Variants in PRELID3A observed in about 807,000 individuals in gnomAD.
PRELID3A encodes the protein PRELI domain containing protein 3A.
In PRELID3A, 27 loss-of-function variants were observed where a neutral mutation model predicts 23.0. The ratio of observed to expected loss-of-function variants is 1.17; its 90% confidence interval spans 0.87 to 1.62. PRELID3A has a LOEUF of 1.62. PRELID3A is among the 40% of genes most tolerant of loss of function. PRELID3A has a pLI of 0.00. For synonymous variants in PRELID3A, 87 were observed against 86.4 expected (o/e 1.01, Z -0.04); for missense variants, 231 against 231.4 (o/e 1.00, Z 0.01).
intron 1 of PRELID3A, among the ~76,000 whole-genome samples, chr18:12,411,762 C>G (rs1453349996): frequency 2.0e-5 from 3 of 152,160 alleles, no homozygotes; most frequent in Non-Finnish European, 4.4e-5. Flanking sequence ...CCTGCTCTTC[C>G]CCTCCCCACT....
intron 1 of PRELID3A, among the ~76,000 whole-genome samples, chr18:12,414,491 C>T (rs1432157391): frequency 5.9e-5 from 9 of 152,098 alleles, no homozygotes; most frequent in African/African-American, 1.9e-4. Context: ...TTTGGGAGGC[C>T]GAGGTGGGTG....
At chr18:12,429,646 G>A in intron 6 of PRELID3A, among the ~76,000 whole-genome samples, 1 of 152,202 alleles carries the variant, frequency 6.6e-6, no homozygotes, top group East Asian at 1.9e-4. Context: ...AGATTCCGAG[G>A]AAGCTTGAGC....
intron 1 of PRELID3A, chr18:12,419,957 C>CGGGCTCGCGGG: frequency 4.0e-6 from 1 of 250,652 alleles, no homozygotes; most frequent in Non-Finnish European, 7.4e-6. Flanking sequence ...GGTTTGGTGG[C>CGGGCTCGCGGG]ACACGCCTGT....
chr18:12,409,130 ACAGAGTCT>A (rs1909824611), intron 1 of PRELID3A, among the ~76,000 whole-genome samples: 1 of 147,612 alleles, frequency 6.8e-6, no homozygotes, highest in African/African-American at 2.5e-5. Context: ...TTTTTTCGAG[ACAGAGTCT>A]CATTCTGTCA....
chr18:12,415,503 C>T (rs541250683), intron 1 of PRELID3A, among the ~76,000 whole-genome samples: 62 of 151,556 alleles, frequency 4.1e-4, no homozygotes, highest in Admixed American at 1.4e-3. Flanking sequence ...GTGATCCGCC[C>T]GCCTCGGCCT....
In PRELID3A at chr18:12,427,301, C is replaced by T. The variant is rs199583302; in HGVS notation, c.443C>T (p.Thr148Met). The change falls in exon 5 of 7, where the codon ACG becomes ATG. Residue 148 changes from threonine to methionine, a missense_variant. Physicochemically the swap from Thr to Met is moderately conservative, Grantham distance 81. Coordinates refer to ENST00000440960, the MANE Select transcript of PRELID3A (RefSeq NM_001142405.2). Reference protein sequence around the residue: ...GSYLESLMANTISSNAKKGWA... With the variant: ...GSYLESLMANMISSNAKKGWA... The stretch of plus-strand genomic sequence containing the variant: ...TATTTGGAAAGTTTAATGGCCAATA[C>T]GATATCATCCAATGCAAAGAAGGTA... 15 of 1,611,932 alleles carry T rather than the reference C, an allele frequency of 9.3e-6. No individual in the cohort carries two copies. The highest frequency in any genetic ancestry group is 1.7e-4 in the Middle Eastern group (1 of 6,056).
At chr18:12,415,692 T>TC (rs2029926053) in intron 1 of PRELID3A, among the ~76,000 whole-genome samples, 1 of 152,168 alleles carries the variant, frequency 6.6e-6, no homozygotes, top group Non-Finnish European at 1.5e-5. Flanking sequence ...GTCCTCTGTG[T>TC]CCCCACCCAC....
intron 1 of PRELID3A, among the ~76,000 whole-genome samples, chr18:12,412,880 CTG>C (rs1909963222): frequency 6.6e-6 from 1 of 152,140 alleles, no homozygotes. Context: ...GAATAAAAAA[CTG>C]TATTTTCCAA....
intron 1 of PRELID3A, among the ~76,000 whole-genome samples, chr18:12,408,821 A>T (rs532195057): frequency 2.9e-4 from 44 of 152,302 alleles, no homozygotes; most frequent in African/African-American, 9.9e-4. Context: ...TTCCCGGGTA[A>T]TGCATACCCT....
chr18:12,419,348 GC>G (rs1292053463), intron 1 of PRELID3A, among the ~76,000 whole-genome samples: 1 of 138,024 alleles, frequency 7.2e-6, no homozygotes, highest in African/African-American at 2.8e-5. Flanking sequence ...AAAAAAGTTG[GC>G]CAGGCGTGGT....
chr18:12,411,104 A>G (rs1909892612), intron 1 of PRELID3A, among the ~76,000 whole-genome samples: 1 of 152,174 alleles, frequency 6.6e-6, no homozygotes, highest in Non-Finnish European at 1.5e-5. Context: ...AAACACTCAG[A>G]CAAAAACAGA....
intron 3 of PRELID3A, among the ~76,000 whole-genome samples, chr18:12,423,468 G>C (rs2030256662): frequency 6.6e-6 from 1 of 152,202 alleles, no homozygotes. Flanking sequence ...GACATGGGGA[G>C]TAAGGAACAG....
chr18:12,420,435 GCCT>G lies in PRELID3A; in HGVS notation c.144_146del (p.Leu49del). On this transcript the variant is annotated inframe_deletion, in exon 2 of 7. Transcript: ENST00000440960. Reference sequence around the variant, plus strand: ...CAGCGCCGCGTGGACGGCCGCGGCCGCCTGCACAGCTTGCGCCTGCTCAGCACC... The same window carrying G: ...CAGCGCCGCGTGGACGGCCGCGGCCGGCACAGCTTGCGCCTGCTCAGCACC... 6 of 1,584,104 alleles carry G rather than the reference GCCT, an allele frequency of 3.8e-6. No individual in the cohort carries two copies. The highest frequency in any genetic ancestry group is 5.1e-6 in the Non-Finnish European group (6 of 1,166,260).
At chr18:12,408,827 A>G (rs1909814398) in intron 1 of PRELID3A, among the ~76,000 whole-genome samples, 1 of 152,122 alleles carries the variant, frequency 6.6e-6, no homozygotes, top group African/African-American at 2.4e-5. Flanking sequence ...GGTAATGCAT[A>G]CCCTAGAAGT....
rs1203244097 is a variant in PRELID3A, at chr18:12,426,564, A to AAAAAAAAAAAAAAAGG, written c.292-475_292-474insAAAAAAAAAAAAGGAA. On this transcript the variant is annotated intron_variant, in intron 3 of 6. Coordinates refer to ENST00000440960, the MANE Select transcript of PRELID3A (RefSeq NM_001142405.2). ...GTGAGACTCCATCTCAAAAAAAAAA[A>AAAAAAAAAAAAAAAGG]AAGTATAAATATGTACATAAGGAGT... Among the ~76,000 whole-genome samples the AAAAAAAAAAAAAAAGG allele has an allele frequency of 1.4e-4, 3 of 21,610 alleles. No individual in the cohort carries two copies. In the East Asian group the frequency reaches 7.8e-3, roughly 56 times the overall value. 14.2% of individuals were successfully genotyped at this position (21,610 alleles called of 152,430 possible). A position where few individuals can be genotyped will look rare whatever the true frequency, so the allele number is the denominator to read the frequency against.
At chr18:12,417,770 C>G (rs570892611) in intron 1 of PRELID3A, among the ~76,000 whole-genome samples, 42 of 152,316 alleles carry the variant, frequency 2.8e-4, no homozygotes, top group African/African-American at 9.9e-4. Flanking sequence ...TCCTAAACCT[C>G]AGAGAGACGA....
intron 2 of PRELID3A, among the ~76,000 whole-genome samples, chr18:12,420,938 G>A (rs929202546): frequency 6.6e-6 from 1 of 152,060 alleles, no homozygotes; most frequent in African/African-American, 2.4e-5. Context: ...CCTCCTCCTG[G>A]TTTAACCGCC....
intron 1 of PRELID3A, chr18:12,419,989 G>A: frequency 2.4e-6 from 1 of 425,522 alleles, no homozygotes; most frequent in South Asian, 4.7e-5. Flanking sequence ...CTGGAGGTGG[G>A]GCAAGAGGAG....
chr18:12,413,627 A>G (rs1226829587), intron 1 of PRELID3A, among the ~76,000 whole-genome samples: 2 of 152,134 alleles, frequency 1.3e-5, no homozygotes, highest in African/African-American at 4.8e-5. Flanking sequence ...TCTGTCGCCC[A>G]GGCTGGAGTG....
Sources: allele counts gnomAD v4.1 joint callset (sites outside exome capture counted in the v4.1 genomes callset), GRCh38; gene constraint gnomAD v4.1.1; transcripts MANE v1.5; gene names NCBI Gene and HGNC (gene_info 2026-07-23, HGNC 2026-07-21).